TAOK3: variants seen among roughly 807,000 people sequenced by gnomAD.
TAOK3 encodes the protein TAO kinase 3.
TAOK3 carries 40 observed loss-of-function variants against 120.4 expected under a neutral mutation model. The ratio of observed to expected loss-of-function variants is 0.33; its 90% CI spans 0.26 to 0.43. The LOEUF is 0.43. Among genes scored for constraint, TAOK3 ranks in the 20% least tolerant of loss-of-function variants. The probability of loss-of-function intolerance (pLI) is 1.00; values close to 1 mark genes in which losing one functional copy is unlikely to be tolerated. For synonymous variants in TAOK3, 355 were observed against 387.5 expected (o/e 0.92, Z 0.99); for missense variants, 821 against 1,112.1 (o/e 0.74, Z 3.72).
At chr12:118,217,722 GTCTC>G (rs1372842820) in intron 9 of TAOK3, among the ~76,000 whole-genome samples, 3 of 144,630 alleles carry the variant, frequency 2.1e-5, no homozygotes, top group Admixed American at 7.1e-5. Flanking sequence ...AAATATAGTA[GTCTC>G]TCTCTATATA....
At chr12:118,291,961 G>C (rs574702458) in intron 1 of TAOK3, among the ~76,000 whole-genome samples, 1 of 152,170 alleles carries the variant, frequency 6.6e-6, no homozygotes, top group South Asian at 2.1e-4. Context: ...CTACAGGTGC[G>C]TGCCAACACA....
In TAOK3 at chr12:118,150,747, G is replaced by T. The variant is rs1489604468; in HGVS notation, c.*250C>A. 6 of 435,636 alleles carry T rather than the reference G, an allele frequency of 1.4e-5. No individual in the cohort carries two copies. The highest frequency in any genetic ancestry group is 2.4e-5 in the Non-Finnish European group (6 of 246,340). The allele number at this position is 435,636 out of a possible 1,614,324, so 27.0% of individuals were successfully genotyped here. On this transcript the variant is annotated 3_prime_UTR_variant, in exon 21 of 21. Coordinates refer to ENST00000392533, the MANE Select transcript of TAOK3 (RefSeq NM_016281.4). ...AAACATTTTGAATCACATCAATACT[G>T]TGACGTGTACTGTGAATAGAAGAGA...
chr12:118,209,920 T>C (rs750467191), intron 11 of TAOK3, among the ~76,000 whole-genome samples: 5 of 152,074 alleles, frequency 3.3e-5, no homozygotes, highest in African/African-American at 4.8e-5. Context: ...CAGGCTGGTC[T>C]TGAACACCTA....
At chr12:118,247,532 T>G (rs1424154949) in intron 3 of TAOK3, among the ~76,000 whole-genome samples, 1 of 152,264 alleles carries the variant, frequency 6.6e-6, no homozygotes, top group East Asian at 1.9e-4. Flanking sequence ...TTTCTTTTTT[T>G]AAGACAGGAT....
At chr12:118,212,684 A>AG in intron 11 of TAOK3, among the ~76,000 whole-genome samples, 1 of 152,120 alleles carries the variant, frequency 6.6e-6, no homozygotes, top group Non-Finnish European at 1.5e-5. Flanking sequence ...ACAGGGAGGG[A>AG]GGGGAAAAAA....
At chr12:118,326,173 GATTTT>G (rs2043927418) in intron 1 of TAOK3, among the ~76,000 whole-genome samples, 1 of 152,076 alleles carries the variant, frequency 6.6e-6, no homozygotes, top group Admixed American at 6.5e-5. Context: ...AATCCATCTT[GATTTT>G]ATTTTTTGTA....
chr12:118,170,357 G>T (rs951920637), intron 17 of TAOK3, among the ~76,000 whole-genome samples: 2 of 152,030 alleles, frequency 1.3e-5, no homozygotes, highest in African/African-American at 4.8e-5. Context: ...CACCCACTGG[G>T]GGCGTTATCA....
chr12:118,206,192 TA>T (rs2038299877), intron 11 of TAOK3, among the ~76,000 whole-genome samples: 1 of 152,174 alleles, frequency 6.6e-6, no homozygotes, highest in Non-Finnish European at 1.5e-5. Context: ...ACAAAGACAA[TA>T]AAAGCTACAT....
At chr12:118,227,683 A>G (rs895206572) in intron 9 of TAOK3, among the ~76,000 whole-genome samples, 3 of 152,214 alleles carry the variant, frequency 2.0e-5, no homozygotes, top group African/African-American at 7.2e-5. Context: ...ATCCATGATC[A>G]CACAGTCAGA....
chr12:118,362,518 T>C (rs1258238950), intron 1 of TAOK3, among the ~76,000 whole-genome samples: 5 of 151,946 alleles, frequency 3.3e-5, no homozygotes, highest in Non-Finnish European at 7.4e-5. Context: ...TGGTAAGTGC[T>C]ATGGAGAAGG....
chr12:118,189,687 A>C (rs2037315451), intron 14 of TAOK3, 120 bp downstream of exon 14: 3 of 1,249,430 alleles, frequency 2.4e-6, no homozygotes, highest in Non-Finnish European at 3.4e-6. Flanking sequence ...AGGAGAGAGA[A>C]AACATTCTTG....
chr12:118,209,163 T>A (rs1334193818), intron 11 of TAOK3, among the ~76,000 whole-genome samples: 1 of 152,140 alleles, frequency 6.6e-6, no homozygotes, highest in Non-Finnish European at 1.5e-5. Context: ...TATGGAGCCA[T>A]TAAAAAGAAT....
intron 9 of TAOK3, among the ~76,000 whole-genome samples, chr12:118,226,530 C>CT (rs1349456363): frequency 1.5e-5 from 2 of 132,832 alleles, no homozygotes; most frequent in Non-Finnish European, 3.2e-5. Context: ...GAGACTCCGT[C>CT]TAAAAAAAAA....
At chr12:118,206,363 A>G (rs2038311049) in intron 11 of TAOK3, among the ~76,000 whole-genome samples, 1 of 152,220 alleles carries the variant, frequency 6.6e-6, no homozygotes. Flanking sequence ...TTTTACAAAC[A>G]GATACACTCT....
At chr12:118,189,558 AC>A (rs1346102366) in intron 14 of TAOK3, among the ~76,000 whole-genome samples, 5 of 105,516 alleles carry the variant, frequency 4.7e-5, no homozygotes, top group Non-Finnish European at 9.7e-5. Flanking sequence ...ACACACACAC[AC>A]ACACACACAC....
At chr12:118,307,638 T>C (rs1396166552) in intron 1 of TAOK3, among the ~76,000 whole-genome samples, 1 of 152,122 alleles carries the variant, frequency 6.6e-6, no homozygotes, top group African/African-American at 2.4e-5. Flanking sequence ...CTTCCACTGC[T>C]AGACAAATTT....
intron 3 of TAOK3, 65 bp downstream of exon 3, chr12:118,255,383 G>C (rs192028351): frequency 1.5e-5 from 23 of 1,569,654 alleles, no homozygotes; most frequent in African/African-American, 2.7e-5. Context: ...GTGAGTCACT[G>C]TGCCAGGCCT....
chr12:118,351,080 G>A (rs2045129049), intron 1 of TAOK3, among the ~76,000 whole-genome samples: 1 of 152,134 alleles, frequency 6.6e-6, no homozygotes, highest in Non-Finnish European at 1.5e-5. Context: ...TTGGGAGGCT[G>A]AGGCACGAGA....
chr12:118,325,511 C>T (rs1022157289), intron 1 of TAOK3, among the ~76,000 whole-genome samples: 1 of 152,060 alleles, frequency 6.6e-6, no homozygotes, highest in Non-Finnish European at 1.5e-5. Flanking sequence ...TACCTGTTGG[C>T]CATTTTTATG....
Sources: allele counts gnomAD v4.1 joint callset (sites outside exome capture counted in the v4.1 genomes callset), GRCh38; gene constraint gnomAD v4.1.1; transcripts MANE v1.5; gene names NCBI Gene and HGNC (gene_info 2026-07-23, HGNC 2026-07-21).